The following MAP3K20 variants were observed in gnomAD, a reference collection of about 807,000 sequenced individuals.
MAP3K20 encodes the protein mitogen-activated protein kinase kinase kinase 20, also known as HCCS-4.
MAP3K20 carries 40 observed loss-of-function variants against 85.7 expected under a neutral mutation model. The observed-to-expected ratio is 0.47, with a 90% CI of 0.36 to 0.61. The LOEUF (loss-of-function observed/expected upper bound fraction) is 0.61. MAP3K20 is among the 20% of genes least tolerant of loss of function. The pLI is 0.00. For missense variants in MAP3K20, 817 were observed against 961.7 expected (o/e 0.85, Z 1.99); for synonymous variants, 325 against 327.7 (o/e 0.99, Z 0.09).
At position 173,266,478 on chromosome 2, in the gene MAP3K20, C is replaced by T; in HGVS notation, c.2131C>T (p.Pro711Ser). ...TTCCACTCCTTCAAGAGGAAGATAC[C>T]CTGGAAAGTTCTACAGGGTTTCTCA... Reference protein sequence around the residue: ...QHSTPSRGRYPGKFYRVSQSA... With the variant: ...QHSTPSRGRYSGKFYRVSQSA... Residue 711 changes from proline to serine, a missense_variant, in exon 20 of 20, where the codon CCT becomes TCT. Physicochemically the swap from Pro to Ser is moderately conservative, Grantham distance 74 (BLOSUM62 -1). This residue lies in a region of MAP3K20 where 454 missense variants were observed against 476.9 expected (regional missense o/e 0.95). Coordinates refer to ENST00000375213, the MANE Select transcript of MAP3K20 (RefSeq NM_016653.3). 1 of 1,613,944 alleles carries T rather than the reference C, an allele frequency of 6.2e-7. No homozygotes were observed. Among genetic ancestry groups the T allele is most frequent in the Non-Finnish European group, 8.5e-7 (1 of 1,179,988 alleles).
chr2:173,116,089 C>T (rs565718485), intron 2 of MAP3K20, among the ~76,000 whole-genome samples: 49 of 151,956 alleles, frequency 3.2e-4, no homozygotes, highest in African/African-American at 1.1e-3. Flanking sequence ...TGAGCTCAAG[C>T]AATCCTCCCA....
At chr2:173,186,347 A>G (rs1690484646) in intron 4 of MAP3K20, among the ~76,000 whole-genome samples, 1 of 152,138 alleles carries the variant, frequency 6.6e-6, no homozygotes, top group Admixed American at 6.5e-5. Flanking sequence ...TAACTATTGA[A>G]TTTTTGCAGT....
chr2:173,259,374 T>C (rs993792480), intron 17 of MAP3K20, among the ~76,000 whole-genome samples: 3 of 152,188 alleles, frequency 2.0e-5, no homozygotes, highest in Admixed American at 6.5e-5. Flanking sequence ...AAGAAAGACT[T>C]GTGGAAATGC....
chr2:173,114,087 A>G (rs1013457439), intron 2 of MAP3K20, among the ~76,000 whole-genome samples: 3 of 152,112 alleles, frequency 2.0e-5, no homozygotes, highest in East Asian at 1.9e-4. Context: ...AGGTGCATAT[A>G]TGTTTAGAAT....
At chr2:173,150,787 A>G (rs1689283702) in intron 2 of MAP3K20, among the ~76,000 whole-genome samples, 1 of 152,098 alleles carries the variant, frequency 6.6e-6, no homozygotes, top group Admixed American at 6.6e-5. Flanking sequence ...GCTGGTCTTG[A>G]ACTCGACCTT....
intron 11 of MAP3K20, among the ~76,000 whole-genome samples, chr2:173,217,695 A>G (rs1684119035): frequency 6.6e-6 from 1 of 152,186 alleles, no homozygotes; most frequent in African/African-American, 2.4e-5. Flanking sequence ...TCCTTCTAAA[A>G]TGGAGCTAAC....
intron 3 of MAP3K20, among the ~76,000 whole-genome samples, chr2:173,178,102 T>G (rs1690218402): frequency 6.6e-6 from 1 of 152,112 alleles, no homozygotes; most frequent in Non-Finnish European, 1.5e-5. Context: ...AGTTTAGTCT[T>G]TGAAAAGATT....
At chr2:173,184,646 T>C (rs947984325) in intron 4 of MAP3K20, among the ~76,000 whole-genome samples, 3 of 152,074 alleles carry the variant, frequency 2.0e-5, no homozygotes, top group Non-Finnish European at 4.4e-5. Flanking sequence ...CAGTGGCTCA[T>C]GCCTATAATC....
chr2:173,239,274 A>T, intron 15 of MAP3K20, 130 bp from the exon 16 acceptor site: 1 of 688,320 alleles, frequency 1.5e-6, no homozygotes, highest in Non-Finnish European at 2.4e-6. Context: ...TTTGTAGCTT[A>T]ATCCAAAATA....
intron 3 of MAP3K20, among the ~76,000 whole-genome samples, chr2:173,181,677 T>G (rs959057013): frequency 6.6e-6 from 1 of 152,068 alleles, no homozygotes; most frequent in Non-Finnish European, 1.5e-5. Flanking sequence ...ATGTAGTATA[T>G]CCATACAACA....
chr2:173,233,260 G>A (rs567521401), intron 14 of MAP3K20, among the ~76,000 whole-genome samples: 1 of 152,318 alleles, frequency 6.6e-6, no homozygotes, highest in East Asian at 1.9e-4. Flanking sequence ...CTAAGCCAAT[G>A]CAGTAACCTA....
intron 3 of MAP3K20, among the ~76,000 whole-genome samples, chr2:173,181,366 G>GAAA (rs34878141): frequency 7.5e-5 from 11 of 146,830 alleles, no homozygotes; most frequent in Admixed American, 6.1e-4. Context: ...CCCTTTCTCA[G>GAAA]AAAAAAAAAA....
intron 2 of MAP3K20, among the ~76,000 whole-genome samples, chr2:173,141,219 G>T (rs373567473): frequency 4.3e-5 from 4 of 92,248 alleles, no homozygotes; most frequent in Admixed American, 1.1e-4. Flanking sequence ...CTAAATTCTC[G>T]TGTAGTATTA....
At chr2:173,146,940 A>C (rs12465665) in intron 2 of MAP3K20, among the ~76,000 whole-genome samples, 2 of 152,056 alleles carry the variant, frequency 1.3e-5, no homozygotes, top group Non-Finnish European at 1.5e-5. Flanking sequence ...TTTGATTTGC[A>C]TTTCCCTAAT....
Position 173,085,334 on chromosome 2 carries a change from G to A in MAP3K20, c.-34-5664G>A, listed in dbSNP as rs183092544. On this transcript the variant is annotated intron_variant, in intron 1 of 19. Coordinates refer to ENST00000375213, the MANE Select transcript of MAP3K20 (RefSeq NM_016653.3). ...GCAAAATAGAAGGTCTGTGAATAGA[G>A]AAACTTAAGTCTATTTTTTTGGACT... is the stretch of plus-strand genomic sequence containing the variant. 4.6e-5 allele frequency among the ~76,000 whole-genome samples: 7 copies of A among 152,274 alleles called. No individual in the cohort carries two copies. The East Asian group carries it at 1.4e-3, about 29-fold the overall frequency.
At chr2:173,217,375 T>TGTATTAAAGGGCCCGC (rs1684109797) in intron 11 of MAP3K20, 125 bp downstream of exon 11, 3 of 1,200,502 alleles carry the variant, frequency 2.5e-6, no homozygotes, top group Non-Finnish European at 3.3e-6. Flanking sequence ...CTCGCGCCCG[T>TGTATTAAAGGGCCCGC]GTATTAAAGG....
chr2:173,082,679 C>A (rs1198116342), intron 1 of MAP3K20, among the ~76,000 whole-genome samples: 1 of 152,232 alleles, frequency 6.6e-6, no homozygotes, highest in African/African-American at 2.4e-5. Flanking sequence ...CTCTTCTGGC[C>A]AAGCCCTAGA....
At chr2:173,224,581 C>A (rs1256155906) in intron 11 of MAP3K20, 1 of 985,168 alleles carries the variant, frequency 1.0e-6, no homozygotes, top group East Asian at 1.1e-4. Flanking sequence ...ACTCTACCAC[C>A]AAGAACCTAA....
intron 11 of MAP3K20, chr2:173,222,494 T>C (rs1684279014): frequency 1.4e-5 from 14 of 985,726 alleles, no homozygotes; most frequent in Non-Finnish European, 1.7e-5. Context: ...GCTTGTGCTT[T>C]ATACAAAGAG....
Sources: gnomAD v4.1 joint callset for allele counts (sites outside exome capture counted in the v4.1 genomes callset) on GRCh38, gnomAD v4.1.1 for gene constraint, gnomAD v4.1.1 regional missense constraint, MANE v1.5 for transcripts, NCBI Gene and HGNC (gene_info 2026-07-23, HGNC 2026-07-21) for gene names.